SV2B: variants seen among roughly 807,000 people sequenced by gnomAD.
SV2B encodes synaptic vesicle glycoprotein 2B.
SV2B carries 41 observed loss-of-function variants against 73.9 expected under a neutral mutation model. The observed-to-expected ratio is 0.56, with a 90% CI of 0.43 to 0.72. The LOEUF is 0.72. Ranked by LOEUF, SV2B falls within the 30% of genes least tolerant of loss-of-function variation. The pLI is 0.00. For synonymous variants in SV2B, 314 were observed against 314.2 expected, an observed-to-expected ratio of 1.00 and a Z score of 0.01; for missense variants, 764 against 857.8, an observed-to-expected ratio of 0.89 and a Z score of 1.37.
Position 91,232,422 on chromosome 15 carries a change from T to C in SV2B, c.451+5708T>C, listed in dbSNP as rs2046613075. 6.6e-6 allele frequency among the ~76,000 whole-genome samples: 1 copy of C among 152,174 alleles called. No homozygotes were observed. Among genetic ancestry groups the C allele is most frequent in the Non-Finnish European group, 1.5e-5 (1 of 68,016 alleles). On this transcript the variant is annotated intron_variant, in intron 2 of 12. Transcript: ENST00000394232. This position sits in a 1 kb window ranked among gnomAD's most constrained non-coding sequence, Gnocchi z 4.7. ...GCAGACGTACACGGATTGCTGTGTT[T>C]AGGAGTGTGGAGTTGATTCCACCGG... is the stretch of plus-strand genomic sequence containing the variant.
chr15:91,222,943 C>T (rs761529205), intron 1 of SV2B, among the ~76,000 whole-genome samples: 14 of 152,254 alleles, frequency 9.2e-5, no homozygotes, highest in Non-Finnish European at 1.9e-4. Context: ...TGAATGTATT[C>T]GTTTCCTGGG....
chr15:91,141,363 C>T lies in SV2B; in HGVS notation c.-392+41000C>T, dbSNP rs1033640379. Among the ~76,000 whole-genome samples the T allele has an allele frequency of 6.6e-6, 1 of 152,146 alleles. No homozygotes were observed. Among genetic ancestry groups the T allele is most frequent in the Non-Finnish European group, 1.5e-5 (1 of 68,030 alleles). On this transcript the variant is annotated intron_variant, in intron 1 of 12. Transcript: ENST00000394232. The surrounding 1 kb of genome is among the most constrained non-coding windows in gnomAD (Gnocchi z 4.6). ...TGCAGAACAGGGCCTTGCTCTTCTT[C>T]AGGAAGACTTGGAGTTTTCAGGAGC...
chr15:91,255,021 C>T (rs1204190030), intron 4 of SV2B, among the ~76,000 whole-genome samples: 1 of 152,174 alleles, frequency 6.6e-6, no homozygotes, highest in African/African-American at 2.4e-5. Flanking sequence ...CACTTCCTTC[C>T]CCATCCCTGG....
At chr15:91,263,563 GAC>G (rs535152302) in intron 6 of SV2B, among the ~76,000 whole-genome samples, 1 of 146,342 alleles carries the variant, frequency 6.8e-6, no homozygotes, top group Non-Finnish European at 1.5e-5. Flanking sequence ...CAGACACAGA[GAC>G]ACACACAGAC....
intron 1 of SV2B, among the ~76,000 whole-genome samples, chr15:91,112,897 G>T (rs2042076125): frequency 6.6e-6 from 1 of 152,192 alleles, no homozygotes; most frequent in African/African-American, 2.4e-5. Flanking sequence ...GCTCACTGCA[G>T]CCTCAAACTC....
In SV2B at chr15:91,288,787, C is replaced by T. The variant is rs1344082655; in HGVS notation, c.1709-734C>T. Among the ~76,000 whole-genome samples the T allele has an allele frequency of 6.6e-6, 1 of 152,104 alleles. No individual in the cohort carries two copies. Reference sequence around the variant, plus strand: ...CTGCCTCCCAGCTTCAAATAATTCTCGTGCCTCAGCCTCCCAAGTAGCTGG... The same window carrying T: ...CTGCCTCCCAGCTTCAAATAATTCTTGTGCCTCAGCCTCCCAAGTAGCTGG... On this transcript the variant is annotated intron_variant, in intron 11 of 12. Transcript: ENST00000394232. This position sits in a 1 kb window ranked among gnomAD's most constrained non-coding sequence, Gnocchi z 5.8.
chr15:91,154,139 TATTA>T (rs2043406860), intron 1 of SV2B, among the ~76,000 whole-genome samples: 1 of 147,954 alleles, frequency 6.8e-6, no homozygotes, highest in African/African-American at 2.4e-5. Flanking sequence ...TAATATTTGA[TATTA>T]ATTTATATTA....
chr15:91,266,865 C>CT (rs2048123884), intron 7 of SV2B, 173 bp downstream of exon 7: 1 of 509,318 alleles, frequency 2.0e-6, no homozygotes, highest in Non-Finnish European at 3.5e-6. Context: ...CTCTAGCTTG[C>CT]TGTGTGCCCT....
At chr15:91,117,286 T>C (rs1309292565) in intron 1 of SV2B, among the ~76,000 whole-genome samples, 1 of 152,202 alleles carries the variant, frequency 6.6e-6, no homozygotes, top group Non-Finnish European at 1.5e-5. Flanking sequence ...AAGGATAATA[T>C]TAACGAGAAT....
chr15:91,129,878 C>A lies in SV2B; in HGVS notation c.-392+29515C>A, dbSNP rs187009463. 2.0e-5 allele frequency among the ~76,000 whole-genome samples: 3 copies of A among 152,080 alleles called. No homozygotes were observed. Among genetic ancestry groups the A allele is most frequent in the Non-Finnish European group, 4.4e-5 (3 of 68,016 alleles). On this transcript the variant is annotated intron_variant, in intron 1 of 12. Transcript: ENST00000394232. This position sits in a 1 kb window ranked among gnomAD's most constrained non-coding sequence, Gnocchi z 5.1. Reference sequence around the variant, plus strand: ...AAGAGAGACAAGAAGAGTACTCATGCGGGGATCTCGGGAGGGTTAAGTGAG... The same window carrying A: ...AAGAGAGACAAGAAGAGTACTCATGAGGGGATCTCGGGAGGGTTAAGTGAG...
Position 91,245,747 on chromosome 15 carries a change from A to T in SV2B, c.452-6072A>T, listed in dbSNP as rs2047196288. On this transcript the variant is annotated intron_variant, in intron 2 of 12. Transcript: ENST00000394232. The surrounding 1 kb of genome is among the most constrained non-coding windows in gnomAD (Gnocchi z 4.2). ...TAAATATATAACATCAAATAGAGAC[A>T]TGTGATACAAAGGAAAAGCAATAGT... 6.6e-6 allele frequency among the ~76,000 whole-genome samples: 1 copy of T among 152,218 alleles called. No homozygotes were observed. Among genetic ancestry groups the T allele is most frequent in the Admixed American group, 6.5e-5 (1 of 15,286 alleles).
At position 91,110,351 on chromosome 15, in the gene SV2B, T is replaced by C. The variant is rs553037157; in HGVS notation, c.-392+9988T>C. On this transcript the variant is annotated intron_variant, in intron 1 of 12. Coordinates refer to ENST00000394232, the MANE Select transcript of SV2B (RefSeq NM_001323032.3). This position sits in a 1 kb window ranked among gnomAD's most constrained non-coding sequence, Gnocchi z 5.4. ...ACAGGAAAACGGGGTGTGGGTCCCC[T>C]ACACTGTCATGCTTAGAAACCCTCT... Among the ~76,000 whole-genome samples, 15 of 152,182 alleles carry C rather than the reference T, an allele frequency of 9.9e-5. No individual in the cohort carries two copies. The highest frequency in any genetic ancestry group is 1.5e-4 in the Non-Finnish European group (10 of 68,032).
chr15:91,156,106 T>C (rs2043481837), intron 1 of SV2B, among the ~76,000 whole-genome samples: 1 of 152,112 alleles, frequency 6.6e-6, no homozygotes, highest in Non-Finnish European at 1.5e-5. Flanking sequence ...CAGAGGAGCT[T>C]CCAGATCACT....
chr15:91,191,317 G>C (rs1054015604), intron 1 of SV2B, among the ~76,000 whole-genome samples: 5 of 151,830 alleles, frequency 3.3e-5, no homozygotes, highest in African/African-American at 1.2e-4. Flanking sequence ...TTCTCAATTA[G>C]GTCTTGTCTT....
At chr15:91,277,152 T>G (rs1339395444) in intron 9 of SV2B, among the ~76,000 whole-genome samples, 2 of 151,850 alleles carry the variant, frequency 1.3e-5, no homozygotes, top group East Asian at 1.9e-4. Flanking sequence ...TTTGTATGTC[T>G]TGTAATGTTG....
At chr15:91,169,622 C>T (rs1348610005) in intron 1 of SV2B, among the ~76,000 whole-genome samples, 4 of 152,118 alleles carry the variant, frequency 2.6e-5, no homozygotes, top group South Asian at 4.1e-4. Context: ...GAAAAGCAGG[C>T]GAGACCCTAG....
chr15:91,179,861 G>A lies in SV2B; in HGVS notation c.-391-46012G>A, dbSNP rs537334308. ...CTCTTTATCCAATTTGCCAGTCTGT[G>A]TCTTTTAATTGGAGCATTTAGTCCA... On this transcript the variant is annotated intron_variant, in intron 1 of 12. Transcript: ENST00000394232. 7.5e-3 allele frequency among the ~76,000 whole-genome samples: 1,142 copies of A among 151,970 alleles called. 13 individuals are homozygous for A. Among genetic ancestry groups the A allele is most frequent in the African/African-American group, 0.026 (1,095 of 41,434 alleles).
Position 91,242,710 on chromosome 15 carries a change from G to A in SV2B, c.452-9109G>A, listed in dbSNP as rs1409975699. Among the ~76,000 whole-genome samples the A allele has an allele frequency of 7.2e-5, 11 of 152,266 alleles. No homozygotes were observed. Among genetic ancestry groups the A allele is most frequent in the East Asian group, 5.8e-4 (3 of 5,192 alleles). ...GGTGAATAGCAGAATAAGAGTAACC[G>A]TCATAGGATGAAGAGATCTGACCCA... On this transcript the variant is annotated intron_variant, in intron 2 of 12. Transcript: ENST00000394232. This position sits in a 1 kb window ranked among gnomAD's most constrained non-coding sequence, Gnocchi z 4.9.
intron 1 of SV2B, among the ~76,000 whole-genome samples, chr15:91,165,399 A>G (rs2043877338): frequency 6.6e-6 from 1 of 152,190 alleles, no homozygotes; most frequent in African/African-American, 2.4e-5. Context: ...TTTTCTTGTC[A>G]TTACTCCCTA....
Sources: gnomAD v4.1 joint callset for allele counts (sites outside exome capture counted in the v4.1 genomes callset) on GRCh38, gnomAD v4.1.1 for gene constraint, Gnocchi (gnomAD v3.1) non-coding constraint, MANE v1.5 for transcripts, NCBI Gene and HGNC (gene_info 2026-07-23, HGNC 2026-07-21) for gene names.